Variants in RORA observed in about 807,000 individuals in gnomAD.
RORA encodes RAR related orphan receptor A.
RORA carries 7 observed loss-of-function variants against 69.5 expected under a neutral mutation model. The observed-to-expected ratio is 0.10, with a 90% CI of 0.06 to 0.19. The LOEUF is 0.19. Among genes scored for constraint, RORA ranks in the 10% least tolerant of loss-of-function variants. The pLI, the probability that RORA is intolerant of heterozygous loss-of-function variation, is 1.00. For synonymous variants in RORA, 261 were observed against 240.8 expected, an observed-to-expected ratio of 1.08 and a Z score of -0.78; for missense variants, 457 against 663.0, an observed-to-expected ratio of 0.69 and a Z score of 3.41.
chr15:61,166,849 T>C (rs986392140), intron 1 of RORA, among the ~76,000 whole-genome samples: 8 of 152,166 alleles, frequency 5.3e-5, no homozygotes, highest in Admixed American at 1.3e-4. Context: ...GTGGCCAGCA[T>C]GGTAATAAAG....
chr15:60,506,453 G>C (rs570773750), intron 5 of RORA, among the ~76,000 whole-genome samples: 35 of 152,308 alleles, frequency 2.3e-4, no homozygotes, highest in Non-Finnish European at 5.0e-4. Context: ...TTGTAATCTG[G>C]TGAACACGTA....
intron 1 of RORA, among the ~76,000 whole-genome samples, chr15:61,227,345 T>G (rs977257616): frequency 1.4e-4 from 21 of 151,636 alleles, no homozygotes; most frequent in African/African-American, 4.8e-4. Flanking sequence ...AGCCAAAAGC[T>G]CCCCGCACAC....
chr15:60,934,173 G>A (rs150834447), intron 1 of RORA, among the ~76,000 whole-genome samples: 1,611 of 152,322 alleles, frequency 0.011, 36 homozygotes, highest in African/African-American at 0.037. Context: ...TCCTGCTTCC[G>A]TGTGACTAGC....
At chr15:61,219,340 C>A (rs1030505909) in intron 1 of RORA, among the ~76,000 whole-genome samples, 1 of 152,142 alleles carries the variant, frequency 6.6e-6, no homozygotes, top group Non-Finnish European at 1.5e-5. Flanking sequence ...TTTGGGAGGC[C>A]AAGGCGGGAG....
chr15:60,703,722 T>C (rs1221035607), intron 1 of RORA, among the ~76,000 whole-genome samples: 1 of 152,182 alleles, frequency 6.6e-6, no homozygotes, highest in Non-Finnish European at 1.5e-5. Context: ...TCTGATGATA[T>C]GAATGGAGAA....
intron 1 of RORA, among the ~76,000 whole-genome samples, chr15:60,780,766 T>A (rs890300468): frequency 6.6e-6 from 1 of 152,212 alleles, no homozygotes; most frequent in Non-Finnish European, 1.5e-5. Context: ...GTCTATTGTG[T>A]TTCAGGAACT....
chr15:60,584,254 T>A (rs1033201198), intron 2 of RORA, among the ~76,000 whole-genome samples: 2 of 152,340 alleles, frequency 1.3e-5, no homozygotes, highest in Admixed American at 1.3e-4. Flanking sequence ...TTCTTAAGAC[T>A]CTCTGGAGTA....
chr15:60,978,986 G>T (rs1444731288), intron 1 of RORA, among the ~76,000 whole-genome samples: 1 of 22,794 alleles, frequency 4.4e-5, no homozygotes, highest in Non-Finnish European at 9.0e-5. Flanking sequence ...TTTTGAGACG[G>T]AGTCTTGCTC....
intron 2 of RORA, among the ~76,000 whole-genome samples, chr15:60,554,048 A>T (rs796196535): frequency 3.3e-5 from 5 of 152,282 alleles, no homozygotes; most frequent in African/African-American, 1.2e-4. Context: ...GGGGCCCCAG[A>T]CACTGAATAT....
At chr15:60,912,449 A>AG (rs1339599931) in intron 1 of RORA, among the ~76,000 whole-genome samples, 4 of 144,488 alleles carry the variant, frequency 2.8e-5, no homozygotes, top group African/African-American at 1.1e-4. Context: ...AAAACAAAAC[A>AG]AAAAAACAAA....
At chr15:60,567,413 ATTATTT>A in intron 2 of RORA, among the ~76,000 whole-genome samples, 1 of 147,450 alleles carries the variant, frequency 6.8e-6, no homozygotes, top group African/African-American at 2.5e-5. Flanking sequence ...TATTATTATT[ATTATTT>A]TTTTTTTTCT....
chr15:60,626,785 G>C (rs932462510), intron 2 of RORA, among the ~76,000 whole-genome samples: 1 of 152,116 alleles, frequency 6.6e-6, no homozygotes, highest in African/African-American at 2.4e-5. Context: ...GCCTTTCCCT[G>C]GATGTTTGCC....
At chr15:61,154,253 G>A (rs2079423418) in intron 1 of RORA, among the ~76,000 whole-genome samples, 1 of 152,006 alleles carries the variant, frequency 6.6e-6, no homozygotes, top group Admixed American at 6.6e-5. Flanking sequence ...GGATGAAAAG[G>A]GGTACAAAAG....
At chr15:61,163,553 T>A (rs2079515166) in intron 1 of RORA, among the ~76,000 whole-genome samples, 1 of 152,144 alleles carries the variant, frequency 6.6e-6, no homozygotes, top group South Asian at 2.1e-4. Flanking sequence ...AATTCAAGAT[T>A]CGTACTTCCT....
intron 2 of RORA, among the ~76,000 whole-genome samples, chr15:60,564,004 A>G (rs1404917057): frequency 2.0e-5 from 3 of 152,080 alleles, no homozygotes; most frequent in African/African-American, 7.2e-5. Flanking sequence ...GCTTGACTTG[A>G]GCACACTTCT....
chr15:61,125,196 C>G (rs993686604), intron 1 of RORA, among the ~76,000 whole-genome samples: 4 of 152,178 alleles, frequency 2.6e-5, no homozygotes, highest in African/African-American at 9.7e-5. Flanking sequence ...CAAAAGCCAA[C>G]TATCGTATTA....
intron 3 of RORA, among the ~76,000 whole-genome samples, chr15:60,518,155 T>C (rs923361712): frequency 6.6e-6 from 1 of 152,228 alleles, no homozygotes; most frequent in African/African-American, 2.4e-5. Flanking sequence ...CGAGCCCATG[T>C]ATCTGGCATT....
chr15:60,499,999 A>C lies in RORA; in HGVS notation c.1300T>G (p.Ser434Ala). 6.3e-7 allele frequency: 1 copy of C among 1,597,810 alleles called. No individual in the cohort carries two copies. The highest frequency in any genetic ancestry group is 8.6e-7 in the Non-Finnish European group (1 of 1,167,016). Residue 434 changes from serine to alanine, a missense_variant, in exon 10 of 11, where the codon TCA becomes GCA. Ser to Ala is a moderately conservative substitution (Grantham distance 99). Coordinates refer to ENST00000335670, the MANE Select transcript of RORA (RefSeq NM_134261.3). ...ATTTTTACCTTTTCTTGCAGCCATG[A>C]GCGATCTAAGCATAAAAAAATGATA... Reference protein sequence around the residue: ...SAFVLMSADRSWLQEKVKIEK... With the variant: ...SAFVLMSADRAWLQEKVKIEK...
At chr15:60,696,676 C>T (rs777533446) in intron 1 of RORA, among the ~76,000 whole-genome samples, 5 of 152,182 alleles carry the variant, frequency 3.3e-5, no homozygotes, top group African/African-American at 9.7e-5. Flanking sequence ...TCATAAAATA[C>T]TCACTTTATA....
Sources: allele counts gnomAD v4.1 joint callset (sites outside exome capture counted in the v4.1 genomes callset), GRCh38; gene constraint gnomAD v4.1.1; transcripts MANE v1.5; gene names NCBI Gene and HGNC (gene_info 2026-07-23, HGNC 2026-07-21).